Variants in ALPK2 observed in about 807,000 individuals in gnomAD.
ALPK2 encodes alpha-protein kinase 2.
ALPK2 carries 127 observed loss-of-function variants against 163.1 expected under a neutral mutation model. The ratio of observed to expected loss-of-function variants is 0.78; its 90% CI spans 0.67 to 0.90. The LOEUF (loss-of-function observed/expected upper bound fraction) is 0.90. Ranked by LOEUF, ALPK2 falls within the 40% of genes least tolerant of loss-of-function variation. The pLI, the probability that ALPK2 is intolerant of heterozygous loss-of-function variation, is 0.00. For synonymous variants in ALPK2, 953 were observed against 959.1 expected, an observed-to-expected ratio of 0.99 and a Z score of 0.12; for missense variants, 2,360 against 2,589.6, an observed-to-expected ratio of 0.91 and a Z score of 1.92.
At chr18:58,526,238 A>G (rs1173731619) in intron 6 of ALPK2, among the ~76,000 whole-genome samples, 1 of 152,204 alleles carries the variant, frequency 6.6e-6, no homozygotes, top group Non-Finnish European at 1.5e-5. Flanking sequence ...CCAGAGTGTG[A>G]TCAGAAGAAC....
chr18:58,616,841 C>G (rs1415348951), intron 1 of ALPK2, among the ~76,000 whole-genome samples: 2 of 152,112 alleles, frequency 1.3e-5, no homozygotes, highest in African/African-American at 4.8e-5. Flanking sequence ...TCATGGGAAC[C>G]CCAACTTGAA....
In ALPK2 at chr18:58,537,792, C is replaced by G. The variant is rs1425175810; in HGVS notation, c.2395G>C (p.Glu799Gln). The G allele has an allele frequency of 6.2e-7, 1 of 1,614,182 alleles. No individual in the cohort carries two copies. The highest frequency in any genetic ancestry group is 1.1e-5 in the South Asian group (1 of 91,086). ...AAACACTCCATTGCACACACTGCTT[C>G]TCTGTCCCTTGGCTCATCACACACA... is the stretch of plus-strand genomic sequence containing the variant. ...ENVCDEPRDR[E>Q]AVCAMECFEA... Residue 799 changes from glutamate to glutamine, a missense_variant, in exon 5 of 13, where the codon GAA becomes CAA. Glu to Gln is a conservative substitution (Grantham distance 29, BLOSUM62 2). Transcript: ENST00000361673.
At chr18:58,544,014 TC>T (rs2051704772) in intron 4 of ALPK2, among the ~76,000 whole-genome samples, 1 of 152,182 alleles carries the variant, frequency 6.6e-6, no homozygotes, top group South Asian at 2.1e-4. Context: ...AACATGGCCA[TC>T]TCTCAATTTC....
chr18:58,517,123 A>G lies in ALPK2; in HGVS notation c.5725T>C (p.Tyr1909His). Residue 1909 changes from tyrosine (Y) to histidine (H), a missense_variant, in exon 9 of 13, where the codon TAC becomes CAC. Transcript: ENST00000361673. ...TGACCACGCAGGCGGCCCCCAAAGT[A>G]GCTGTCATGGAGGAAGTCTTCTTTG... ...IFKEDFLHDSYFGGRLRGQIA... is the reference protein window; with the variant it reads ...IFKEDFLHDSHFGGRLRGQIA... 3 of 1,614,186 alleles carry G rather than the reference A, an allele frequency of 1.9e-6. No individual in the cohort carries two copies. Among genetic ancestry groups the G allele is most frequent in the Non-Finnish European group, 2.5e-6 (3 of 1,180,024 alleles).
At chr18:58,603,210 C>A (rs2052080378) in intron 3 of ALPK2, among the ~76,000 whole-genome samples, 1 of 152,216 alleles carries the variant, frequency 6.6e-6, no homozygotes, top group South Asian at 2.1e-4. Flanking sequence ...AACCCCTTTT[C>A]CGTAATAATC....
intron 1 of ALPK2, among the ~76,000 whole-genome samples, chr18:58,620,879 G>A (rs752398402): frequency 5.3e-5 from 8 of 152,160 alleles, no homozygotes; most frequent in African/African-American, 1.7e-4. Context: ...AGACAGGCCC[G>A]GCACGGTGGC....
In ALPK2 at chr18:58,496,196, G is replaced by A. The variant is rs555329417; in HGVS notation, c.6296+1853C>T. ...GCAAATTCCTACGATGCCAAGAAGC[G>A]AGGCTACTATCAGGAGAAATGGAAG... On this transcript the variant is annotated intron_variant, in intron 12 of 12. Transcript: ENST00000361673. Among the ~76,000 whole-genome samples, 4 of 152,256 alleles carry A rather than the reference G, an allele frequency of 2.6e-5. No homozygotes were observed. The East Asian group carries it at 5.8e-4, about 22-fold the overall frequency.
intron 6 of ALPK2, among the ~76,000 whole-genome samples, chr18:58,528,012 G>T (rs573139654): frequency 6.6e-6 from 1 of 152,254 alleles, no homozygotes; most frequent in Non-Finnish European, 1.5e-5. Flanking sequence ...CATTTCTTAG[G>T]GAGCTAAACT....
Position 58,584,955 on chromosome 18 carries a change from A to G in ALPK2, c.228-4407T>C, listed in dbSNP as rs61052938. The stretch of plus-strand genomic sequence containing the variant: ...CCATCCAGGAAGAAATTCCCTGAAC[A>G]ATTAATTGAATTCCCTCCTTGCATG... On this transcript the variant is annotated intron_variant, in intron 3 of 12. Transcript: ENST00000361673. Among the ~76,000 whole-genome samples the G allele has an allele frequency of 3.1e-3, 471 of 152,322 alleles. 1 individual carries two copies. The highest frequency in any genetic ancestry group is 0.01 in the African/African-American group (427 of 41,568).
chr18:58,488,000 G>C (rs1006219751), intron 12 of ALPK2, among the ~76,000 whole-genome samples: 5 of 152,190 alleles, frequency 3.3e-5, no homozygotes, highest in Non-Finnish European at 7.3e-5. Context: ...TAGGTCTGGA[G>C]TGGGGGTGGA....
intron 3 of ALPK2, among the ~76,000 whole-genome samples, chr18:58,587,514 A>T (rs2051993648): frequency 6.6e-6 from 1 of 152,256 alleles, no homozygotes; most frequent in Admixed American, 6.5e-5. Flanking sequence ...GCTGAAAAAA[A>T]GTATGAGAAT....
Position 58,531,136 on chromosome 18 carries a change from G to A in ALPK2, c.5354-1898C>T, listed in dbSNP as rs1270336557. On this transcript the variant is annotated intron_variant, in intron 5 of 12. Coordinates refer to ENST00000361673, the MANE Select transcript of ALPK2 (RefSeq NM_052947.4). The stretch of plus-strand genomic sequence containing the variant: ...GTTGAGCACAGGAGTTCAAGGCTGC[G>A]GTGAGCCATGATCTCGCCACTGCAA... Among the ~76,000 whole-genome samples the A allele has an allele frequency of 3.3e-5, 5 of 152,200 alleles. No individual in the cohort carries two copies. The South Asian group carries it at 8.3e-4, about 25-fold the overall frequency.
Position 58,481,469 on chromosome 18 carries a change from T to G in ALPK2, c.*354A>C. The G allele has an allele frequency of 4.2e-6, 1 of 238,336 alleles. No individual in the cohort carries two copies. Among genetic ancestry groups the G allele is most frequent in the South Asian group, 6.8e-5 (1 of 14,624 alleles). The allele number at this position is 238,336 out of a possible 1,614,324, so 14.8% of individuals were successfully genotyped here. On this transcript the variant is annotated 3_prime_UTR_variant, in exon 13 of 13. Coordinates refer to ENST00000361673, the MANE Select transcript of ALPK2 (RefSeq NM_052947.4). The stretch of plus-strand genomic sequence containing the variant: ...ATGACAGTGGGAAGAATTTTGGCTG[T>G]GAACAGACTCTTCTCAGCACCAGGT...
intron 3 of ALPK2, among the ~76,000 whole-genome samples, chr18:58,604,248 A>C (rs2052086489): frequency 6.6e-6 from 1 of 152,216 alleles, no homozygotes; most frequent in Admixed American, 6.5e-5. Context: ...TCTTTGGGCT[A>C]TGAGCTAATC....
chr18:58,578,483 TA>T (rs530564099), intron 4 of ALPK2: 89 of 195,080 alleles, frequency 4.6e-4, no homozygotes, highest in Non-Finnish European at 6.8e-4. Flanking sequence ...CATTGCCTGG[TA>T]AAACACATGC....
chr18:58,526,181 C>T (rs1480889280), intron 6 of ALPK2, among the ~76,000 whole-genome samples: 1 of 152,166 alleles, frequency 6.6e-6, no homozygotes, highest in African/African-American at 2.4e-5. Flanking sequence ...GACAGCAGAA[C>T]AGCAGTGGTG....
chr18:58,496,737 T>A (rs968337842), intron 12 of ALPK2, among the ~76,000 whole-genome samples: 1 of 152,238 alleles, frequency 6.6e-6, no homozygotes. Flanking sequence ...TTTCTGATGC[T>A]TTGACATCTT....
chr18:58,517,313 CACTT>C (rs796284091), intron 8 of ALPK2, 131 bp from the exon 9 acceptor site: 16 of 866,656 alleles, frequency 1.8e-5, no homozygotes, highest in African/African-American at 1.2e-4. Context: ...GGGGCAGACA[CACTT>C]AACCCTTCAA....
At chr18:58,555,890 C>T (rs137966790) in intron 4 of ALPK2, among the ~76,000 whole-genome samples, 2,020 of 152,240 alleles carry the variant, frequency 0.013, 43 homozygotes, top group African/African-American at 0.045. Flanking sequence ...GGCACAATCT[C>T]GTCTCACTGC....
Sources: allele counts gnomAD v4.1 joint callset (sites outside exome capture counted in the v4.1 genomes callset), GRCh38; gene constraint gnomAD v4.1.1; transcripts MANE v1.5; gene names NCBI Gene and HGNC (gene_info 2026-07-23, HGNC 2026-07-21).